The following LRRC4C variants were observed in gnomAD, a reference collection of about 807,000 sequenced individuals.
LRRC4C encodes leucine rich repeat containing 4C, also known as leucine-rich repeat-containing protein 4C.
LRRC4C carries 5 observed loss-of-function variants against 33.6 expected under a neutral mutation model. The ratio of observed to expected loss-of-function variants is 0.15; its 90% CI spans 0.08 to 0.31. LRRC4C has a LOEUF of 0.31. LRRC4C is among the 10% of genes least tolerant of loss of function. The pLI is 1.00. For synonymous variants in LRRC4C, 329 were observed against 302.0 expected, an observed-to-expected ratio of 1.09 and a Z score of -0.93; for missense variants, 560 against 796.7, an observed-to-expected ratio of 0.70 and a Z score of 3.58.
chr11:40,577,832 C>CTTTTTTTTTTTTTTTT (rs56061263), intron 3 of LRRC4C, among the ~76,000 whole-genome samples: 1 of 119,366 alleles, frequency 8.4e-6, no homozygotes, highest in African/African-American at 3.2e-5. Context: ...TTTCTTTTTT[C>CTTTTTTTTTTTTTTTT]TTTTTTTTTT....
intron 1 of LRRC4C, among the ~76,000 whole-genome samples, chr11:41,055,735 C>G (rs368674052): frequency 2.0e-5 from 3 of 151,944 alleles, no homozygotes; most frequent in East Asian, 3.9e-4. Flanking sequence ...ACATTCTTTA[C>G]AAGAATAAAA....
rs10837441 is a variant in LRRC4C, at chr11:40,599,665, T to C, written c.-270+48477A>G. Reference sequence around the variant, plus strand: ...ATCTCTTTTTCACAGGGCTATACCATTGATGTCTAGGAAGATACCTGGCAT... The same window carrying C: ...ATCTCTTTTTCACAGGGCTATACCACTGATGTCTAGGAAGATACCTGGCAT... On this transcript the variant is annotated intron_variant, in intron 3 of 6. Coordinates refer to ENST00000528697, the MANE Select transcript of LRRC4C (RefSeq NM_001258419.2). 0.013 allele frequency among the ~76,000 whole-genome samples: 1,957 copies of C among 152,270 alleles called. 204 individuals carry two copies. The East Asian group carries it at 0.27, about 21-fold the overall frequency.
At chr11:41,266,062 C>A (rs928207935) in intron 1 of LRRC4C, among the ~76,000 whole-genome samples, 4 of 151,912 alleles carry the variant, frequency 2.6e-5, no homozygotes, top group Non-Finnish European at 5.9e-5. Flanking sequence ...TGGCATATAA[C>A]CTAAACAAAT....
chr11:40,287,509 G>A (rs1214955729), intron 4 of LRRC4C, among the ~76,000 whole-genome samples: 1 of 152,072 alleles, frequency 6.6e-6, no homozygotes, highest in African/African-American at 2.4e-5. Flanking sequence ...CTGAGGTGCT[G>A]AGGACATAAC....
intron 3 of LRRC4C, among the ~76,000 whole-genome samples, chr11:40,593,402 G>C (rs969765523): frequency 6.6e-6 from 1 of 152,048 alleles, no homozygotes; most frequent in Admixed American, 6.6e-5. Flanking sequence ...ATTTATATAT[G>C]TATTAAGATA....
chr11:40,330,660 A>G (rs978420659), intron 3 of LRRC4C, among the ~76,000 whole-genome samples: 2 of 152,130 alleles, frequency 1.3e-5, no homozygotes, highest in Non-Finnish European at 2.9e-5. Flanking sequence ...GAGCTGAGCA[A>G]AGGGGGAAAA....
intron 1 of LRRC4C, among the ~76,000 whole-genome samples, chr11:41,290,395 C>A (rs937333060): frequency 6.6e-6 from 1 of 152,134 alleles, no homozygotes; most frequent in African/African-American, 2.4e-5. Context: ...CATGTTCCTA[C>A]GAGTAAGCAG....
intron 3 of LRRC4C, among the ~76,000 whole-genome samples, chr11:40,555,053 T>C (rs766298071): frequency 6.6e-6 from 1 of 152,160 alleles, no homozygotes; most frequent in African/African-American, 2.4e-5. Flanking sequence ...GGCTATTTAA[T>C]TGAATGTTAT....
At chr11:41,142,986 T>C (rs1943574797) in intron 1 of LRRC4C, among the ~76,000 whole-genome samples, 1 of 152,186 alleles carries the variant, frequency 6.6e-6, no homozygotes, top group Non-Finnish European at 1.5e-5. Flanking sequence ...TCCATAAGGA[T>C]ACTTTATATA....
chr11:40,680,953 C>T (rs1478702821), intron 2 of LRRC4C, among the ~76,000 whole-genome samples: 1 of 152,172 alleles, frequency 6.6e-6, no homozygotes, highest in African/African-American at 2.4e-5. Flanking sequence ...GAACATGTTA[C>T]ATTTTAAGTG....
At chr11:41,151,792 T>C (rs1944011241) in intron 1 of LRRC4C, among the ~76,000 whole-genome samples, 1 of 152,206 alleles carries the variant, frequency 6.6e-6, no homozygotes, top group South Asian at 2.1e-4. Context: ...CATAGATAGA[T>C]AAATACAATC....
At chr11:40,847,400 A>G (rs1224278629) in intron 2 of LRRC4C, among the ~76,000 whole-genome samples, 1 of 152,130 alleles carries the variant, frequency 6.6e-6, no homozygotes, top group African/African-American at 2.4e-5. Context: ...ATCTATTGAG[A>G]TAATCATGTG....
At chr11:40,660,276 A>T (rs1175378956) in intron 2 of LRRC4C, among the ~76,000 whole-genome samples, 1 of 152,144 alleles carries the variant, frequency 6.6e-6, no homozygotes, top group Non-Finnish European at 1.5e-5. Flanking sequence ...GCCACTCAGC[A>T]CCTGGATTGC....
In LRRC4C at chr11:41,020,860, T is replaced by C. The variant is rs1034598719; in HGVS notation, c.-495-87137A>G. On this transcript the variant is annotated intron_variant, in intron 1 of 6. Transcript: ENST00000528697. ...GGTATCTGTCTCACCTCAAATCCTT[T>C]AAATGTGTTGTTTCCTCTTCCGGGA... Among the ~76,000 whole-genome samples, 9 of 152,154 alleles carry C rather than the reference T, an allele frequency of 5.9e-5. No homozygotes were observed. The South Asian group carries it at 6.2e-4, about 10-fold the overall frequency.
chr11:40,291,824 G>A (rs1007109777), intron 4 of LRRC4C, among the ~76,000 whole-genome samples: 5 of 152,046 alleles, frequency 3.3e-5, no homozygotes, highest in African/African-American at 1.2e-4. Context: ...TTCCAATAGC[G>A]AAACATTTGT....
intron 2 of LRRC4C, among the ~76,000 whole-genome samples, chr11:40,741,983 C>T (rs952567655): frequency 6.6e-6 from 1 of 151,948 alleles, no homozygotes; most frequent in African/African-American, 2.4e-5. Flanking sequence ...TCTTGTTACT[C>T]CTAGCTAGAA....
intron 5 of LRRC4C, among the ~76,000 whole-genome samples, chr11:40,235,207 A>G (rs892071172): frequency 6.6e-6 from 1 of 152,240 alleles, no homozygotes; most frequent in African/African-American, 2.4e-5. Flanking sequence ...GAAAGATCAG[A>G]CAGATATAAT....
intron 4 of LRRC4C, among the ~76,000 whole-genome samples, chr11:40,311,357 C>T (rs1181286958): frequency 1.3e-5 from 2 of 152,188 alleles, no homozygotes; most frequent in East Asian, 1.9e-4. Context: ...CATTTATCCT[C>T]CTGGGTAACC....
chr11:40,963,402 C>T (rs1463505514), intron 1 of LRRC4C, among the ~76,000 whole-genome samples: 1 of 151,670 alleles, frequency 6.6e-6, no homozygotes, highest in Non-Finnish European at 1.5e-5. Context: ...TATAAATCAA[C>T]ATGGGATAAA....
Sources: allele counts gnomAD v4.1 joint callset (sites outside exome capture counted in the v4.1 genomes callset), GRCh38; gene constraint gnomAD v4.1.1; transcripts MANE v1.5; gene names NCBI Gene and HGNC (gene_info 2026-07-23, HGNC 2026-07-21).